HECTD4: variants seen among roughly 807,000 people sequenced by gnomAD.
HECTD4 encodes HECT domain E3 ubiquitin protein ligase 4.
A neutral mutation model predicts 471.5 loss-of-function variants in HECTD4; 114 were observed. The ratio of observed to expected loss-of-function variants is 0.24; its 90% CI spans 0.21 to 0.28. HECTD4 has a LOEUF of 0.28. HECTD4 is among the 10% of genes least tolerant of loss of function. The pLI, the probability that HECTD4 is intolerant of heterozygous loss-of-function variation, is 1.00. For missense variants in HECTD4, 3,866 were observed against 5,651.5 expected, an observed-to-expected ratio of 0.68 and a Z score of 10.13; for synonymous variants, 2,012 against 2,256.0, an observed-to-expected ratio of 0.89 and a Z score of 3.07.
In HECTD4 at chr12:112,319,344, G is replaced by A. The variant is rs566454326; in HGVS notation, c.576C>T (p.Leu192=). The A allele has an allele frequency of 2.0e-6, 3 of 1,536,118 alleles. No individual in the cohort carries two copies. In the South Asian group the frequency reaches 3.6e-5, roughly 18 times the overall value. The change falls in exon 2 of 76, where the codon CTC becomes CTT. Residue 192 remains leucine, a synonymous_variant. Transcript: ENST00000682272. This position sits in a 1 kb window ranked among gnomAD's most constrained non-coding sequence, Gnocchi z 5.3. ...AGCACAGCAAAGTTTCAATTCCATT[G>A]AGACAGTCAGCAGGCTCCTTGGTCA... The part of the protein sequence containing the change: ...LSLTKEPADC[L]NGIETLLCSW...
chr12:112,228,618 T>A lies in HECTD4; in HGVS notation c.6684+29A>T. 6.3e-7 allele frequency: 1 copy of A among 1,585,218 alleles called. No individual in the cohort carries two copies. The highest frequency in any genetic ancestry group is 8.6e-7 in the Non-Finnish European group (1 of 1,167,102). ...ACAGTACAGTTACCATTGGCAGACA[T>A]TTTACAAAGCATTTAAAAATCACCT... On this transcript the variant is annotated intron_variant, in intron 42 of 75. Transcript: ENST00000682272. The surrounding 1 kb of genome is among the most constrained non-coding windows in gnomAD (Gnocchi z 4.9).
At chr12:112,302,704 A>T in intron 7 of HECTD4, 1 of 438,632 alleles carries the variant, frequency 2.3e-6, no homozygotes, top group South Asian at 3.4e-5. Flanking sequence ...CTGTTTTTTA[A>T]CTTTTTCTCA....
chr12:112,245,707 G>A (rs1034880485), intron 29 of HECTD4, among the ~76,000 whole-genome samples: 8 of 152,258 alleles, frequency 5.3e-5, no homozygotes, highest in Admixed American at 4.6e-4. Context: ...TTTCATTTAA[G>A]AACTTGTTTA....
At chr12:112,300,009 T>C (rs2135672816) in intron 7 of HECTD4, among the ~76,000 whole-genome samples, 1 of 152,132 alleles carries the variant, frequency 6.6e-6, no homozygotes, top group African/African-American at 2.4e-5. Context: ...CAGGGGACAC[T>C]GAACTATTAA....
chr12:112,304,297 C>T (rs1428704128), intron 7 of HECTD4, among the ~76,000 whole-genome samples: 1 of 138,096 alleles, frequency 7.2e-6, no homozygotes, highest in Non-Finnish European at 1.5e-5. Context: ...CAGGCTGGAG[C>T]ACACTGGTAC....
intron 6 of HECTD4, 91 bp downstream of exon 6, chr12:112,308,662 A>G: frequency 2.5e-6 from 3 of 1,196,602 alleles, no homozygotes; most frequent in Non-Finnish European, 3.4e-6. Flanking sequence ...AGGAAAATAT[A>G]TCAACTGTAT....
chr12:112,216,967 G>A, intron 46 of HECTD4, 46 bp from the exon 47 acceptor site: 1 of 1,601,606 alleles, frequency 6.2e-7, no homozygotes, highest in Non-Finnish European at 8.5e-7. Context: ...GCTAATCCTG[G>A]GCCTGAGACC....
Position 112,163,030 on chromosome 12 carries a change from G to A in HECTD4, c.13120+12C>T. ...TGTCCCTACTTGGGACATGGCCAGGGGAGGGCGGTACCTGCTGTGCCATCT... is the reference window on the plus strand; with the variant it reads ...TGTCCCTACTTGGGACATGGCCAGGAGAGGGCGGTACCTGCTGTGCCATCT... On this transcript the variant is annotated intron_variant, in intron 75 of 75. Coordinates refer to ENST00000682272, the MANE Select transcript of HECTD4 (RefSeq NM_001388303.1). This position sits in a 1 kb window ranked among gnomAD's most constrained non-coding sequence, Gnocchi z 8.2. 2 of 1,587,226 alleles carry A rather than the reference G, an allele frequency of 1.3e-6. No homozygotes were observed. The highest frequency in any genetic ancestry group is 1.7e-6 in the Non-Finnish European group (2 of 1,159,578).
chr12:112,349,389 A>C (rs1180352314), intron 1 of HECTD4, among the ~76,000 whole-genome samples: 1 of 91,724 alleles, frequency 1.1e-5, no homozygotes, highest in African/African-American at 5.8e-5. Context: ...CTCTTGCTCC[A>C]AAAAAAAAAA....
intron 32 of HECTD4, 114 bp from the exon 33 acceptor site, chr12:112,240,141 G>A: frequency 9.4e-7 from 1 of 1,068,130 alleles, no homozygotes; most frequent in Non-Finnish European, 1.4e-6. Flanking sequence ...GAACTGAAGG[G>A]ATCTTGGAGA....
rs777221524 is a variant in HECTD4 at position 112,228,204 on chromosome 12, A to G, written c.6739T>C (p.Ser2247Pro). Residue 2247 changes from serine to proline, a missense_variant, in exon 43 of 76, where the codon TCC becomes CCC. This residue lies in a region of HECTD4 where 617 missense variants were observed against 915.1 expected (regional missense o/e 0.67). Coordinates refer to ENST00000682272, the MANE Select transcript of HECTD4 (RefSeq NM_001388303.1). The surrounding 1 kb of genome is among the most constrained non-coding windows in gnomAD (Gnocchi z 4.9). ...ITEKVVQAVQ[S>P]MLLPQEGSLS... ...CTTCCCTCCTGAGGAAGCAACATGG[A>G]CTGGACTGCCTGTACTACCTTCTCA... The G allele has an allele frequency of 6.2e-7, 1 of 1,613,848 alleles. No homozygotes were observed.
intron 1 of HECTD4, among the ~76,000 whole-genome samples, chr12:112,335,139 G>A (rs575474829): frequency 8.8e-6 from 1 of 114,092 alleles, no homozygotes; most frequent in South Asian, 2.9e-4. Context: ...TAAAGAAACT[G>A]TGATACACAC....
At position 112,188,380 on chromosome 12, in the gene HECTD4, A is replaced by C. The variant is rs565108991; in HGVS notation, c.9472+2406T>G. On this transcript the variant is annotated intron_variant, in intron 60 of 75. Transcript: ENST00000682272. This position sits in a 1 kb window ranked among gnomAD's most constrained non-coding sequence, Gnocchi z 4.2. ...ATAATGGTGGCATGATAATGACTGAAGTTTGGGAAACACTGTCTAGAACCA... is the reference window on the plus strand; with the variant it reads ...ATAATGGTGGCATGATAATGACTGACGTTTGGGAAACACTGTCTAGAACCA... Among the ~76,000 whole-genome samples the C allele has an allele frequency of 4.6e-5, 7 of 152,372 alleles. No homozygotes were observed. The highest frequency in any genetic ancestry group is 1.7e-4 in the African/African-American group (7 of 41,598).
rs562056678 is a variant in HECTD4 at position 112,243,582 on chromosome 12, A to T, written c.4791+38T>A. ...CTGCCGCAAGACCCCGCATGCTGTT[A>T]GGTGCTATTCATCTGGAGCCCGCAA... is the stretch of plus-strand genomic sequence containing the variant. On this transcript the variant is annotated intron_variant, in intron 31 of 75. Transcript: ENST00000682272. The surrounding 1 kb of genome is among the most constrained non-coding windows in gnomAD (Gnocchi z 6.6). 1 of 1,604,458 alleles carries T rather than the reference A, an allele frequency of 6.2e-7. No homozygotes were observed. Among genetic ancestry groups the T allele is most frequent in the East Asian group, 2.2e-5 (1 of 44,520 alleles).
intron 1 of HECTD4, among the ~76,000 whole-genome samples, chr12:112,334,508 T>C (rs1250364421): frequency 6.6e-6 from 1 of 151,382 alleles, no homozygotes; most frequent in East Asian, 1.9e-4. Flanking sequence ...AGAATGGCCA[T>C]AATCGGCCAG....
At chr12:112,374,499 C>G (rs1449120404) in intron 1 of HECTD4, among the ~76,000 whole-genome samples, 4 of 152,190 alleles carry the variant, frequency 2.6e-5, no homozygotes, top group Admixed American at 2.0e-4. Context: ...TCGAGCCAGA[C>G]AAGCCTGAAA....
Position 112,228,784 on chromosome 12 carries a change from T to C in HECTD4, c.6547A>G (p.Ile2183Val). 1 of 1,613,900 alleles carries C rather than the reference T, an allele frequency of 6.2e-7. No homozygotes were observed. Among genetic ancestry groups the C allele is most frequent in the Non-Finnish European group, 8.5e-7 (1 of 1,179,864 alleles). ...QVLGRGISGS[I>V]GVVASINEQE... ...TCATTGATAGAAGCCACTACTCCAATGCTTCCTGAAATTCCTCTACCTAAA... is the reference window on the plus strand; with the variant it reads ...TCATTGATAGAAGCCACTACTCCAACGCTTCCTGAAATTCCTCTACCTAAA... The change falls in exon 42 of 76, where the codon ATT becomes GTT. Residue 2183 changes from isoleucine (I) to valine (V), a missense_variant. Physicochemically the swap from Ile to Val is conservative, Grantham distance 29. Around this residue, in one of 16 missense-constraint regions of HECTD4, gnomAD observed 617 missense variants for 915.1 expected, o/e 0.67. Coordinates refer to ENST00000682272, the MANE Select transcript of HECTD4 (RefSeq NM_001388303.1). This position sits in a 1 kb window ranked among gnomAD's most constrained non-coding sequence, Gnocchi z 4.9.
intron 38 of HECTD4, 111 bp downstream of exon 38, chr12:112,232,893 C>A: frequency 1.1e-6 from 1 of 924,350 alleles, no homozygotes. Flanking sequence ...CACCTTGCCT[C>A]TTCGTTGGAA....
Position 112,248,368 on chromosome 12 carries a change from A to G in HECTD4, c.4095T>C (p.Ile1365=), listed in dbSNP as rs143374443. 1.1e-5 allele frequency: 18 copies of G among 1,610,016 alleles called. No individual in the cohort carries two copies. The Admixed American group carries it at 1.7e-4, about 15-fold the overall frequency. The change falls in exon 26 of 76, where the codon ATT becomes ATC. Residue 1365 remains isoleucine (I), a synonymous_variant. Transcript: ENST00000682272. ...HAEEYDLLCK[I]MGETFKKLNA... is the part of the protein sequence containing the mutation. Reference sequence around the variant, plus strand: ...TGAGTTTCTTAAAGGTCTCTCCCATAATTTTACATAATAAATCATATTCTT... The same window carrying G: ...TGAGTTTCTTAAAGGTCTCTCCCATGATTTTACATAATAAATCATATTCTT...
Sources: allele counts gnomAD v4.1 joint callset (sites outside exome capture counted in the v4.1 genomes callset), GRCh38; gene constraint gnomAD v4.1.1; regional missense constraint gnomAD v4.1.1; non-coding constraint Gnocchi (gnomAD v3.1); transcripts MANE v1.5; gene names NCBI Gene and HGNC (gene_info 2026-07-23, HGNC 2026-07-21).